CD109: variants seen among roughly 807,000 people sequenced by gnomAD.
The protein encoded by CD109 is CD109 antigen.
CD109 carries 149 observed loss-of-function variants against 165.8 expected under a neutral mutation model. That is an observed-to-expected ratio of 0.90 (90% CI 0.79 to 1.03). The LOEUF is 1.03. CD109 is among the 50% of genes least tolerant of loss of function. CD109 has a pLI of 0.00. For synonymous variants in CD109, 585 were observed against 592.1 expected, an observed-to-expected ratio of 0.99 and a Z score of 0.18; for missense variants, 1,712 against 1,677.8, an observed-to-expected ratio of 1.02 and a Z score of -0.36.
At chr6:73,722,927 C>T (rs186668913) in intron 2 of CD109, among the ~76,000 whole-genome samples, 3 of 152,164 alleles carry the variant, frequency 2.0e-5, no homozygotes, top group East Asian at 3.9e-4. Context: ...TGAAGTGTCC[C>T]GCAAGCACGT....
chr6:73,796,554 T>C (rs10943131), intron 23 of CD109, among the ~76,000 whole-genome samples: 82,254 of 152,048 alleles, frequency 0.54, 22,770 homozygotes, highest in African/African-American at 0.66. Context: ...TCATCTGTCC[T>C]GGCATTTAGA....
At chr6:73,730,683 A>G (rs1772333267) in intron 4 of CD109, 109 bp downstream of exon 4, 1 of 707,940 alleles carries the variant, frequency 1.4e-6, no homozygotes, top group Non-Finnish European at 2.3e-6. Context: ...TTCACCTAAG[A>G]TAAGCTTCCC....
intron 6 of CD109, among the ~76,000 whole-genome samples, chr6:73,758,042 G>A (rs889499225): frequency 3.9e-5 from 6 of 152,060 alleles, no homozygotes; most frequent in African/African-American, 1.4e-4. Flanking sequence ...GATTTTCTTG[G>A]TGGTGGGGGT....
intron 2 of CD109, among the ~76,000 whole-genome samples, chr6:73,710,377 A>G (rs539871198): frequency 6.6e-6 from 1 of 152,150 alleles, no homozygotes. Context: ...TAGGAATCCA[A>G]CTTACAAGGG....
chr6:73,803,218 A>T lies in CD109; in HGVS notation c.2879-2A>T. Reference sequence around the variant, plus strand: ...TGACTATCTGTCTATTTTTGTGTCTAGGTTACCAGAGAGAACTTCTCTATC... The same window carrying T: ...TGACTATCTGTCTATTTTTGTGTCTTGGTTACCAGAGAGAACTTCTCTATC... On this transcript the variant is annotated splice_acceptor_variant, in intron 23 of 32. Transcript: ENST00000287097. LOFTEE classifies it high-confidence loss of function. The T allele has an allele frequency of 6.2e-7, 1 of 1,606,656 alleles. No homozygotes were observed. Among genetic ancestry groups the T allele is most frequent in the Non-Finnish European group, 8.5e-7 (1 of 1,174,346 alleles).
chr6:73,686,162 C>G, the CD109 span, among the ~76,000 whole-genome samples: 2 of 152,134 alleles, frequency 1.3e-5, no homozygotes, highest in Non-Finnish European at 2.9e-5. Flanking sequence ...TTTATTGTTT[C>G]TGTGCTCCAA....
chr6:73,826,296 T>C lies in CD109; in HGVS notation c.*2663T>C, dbSNP rs1428475352. On this transcript the variant is annotated 3_prime_UTR_variant, in exon 33 of 33. Coordinates refer to ENST00000287097, the MANE Select transcript of CD109 (RefSeq NM_133493.5). ...GCTATGAGTAATAATATTAAAAAAC[T>C]CATTTTACCATTAAGATTCCTTATG... is the stretch of plus-strand genomic sequence containing the variant. 3.9e-5 allele frequency: 6 copies of C among 152,218 alleles called. No individual in the cohort carries two copies. The highest frequency in any genetic ancestry group is 7.3e-5 in the Non-Finnish European group (5 of 68,036). The allele number at this position is 152,218 out of a possible 1,614,324, so 9.4% of individuals were successfully genotyped here.
At chr6:73,809,205 G>A (rs1328626312) in intron 26 of CD109, among the ~76,000 whole-genome samples, 1 of 152,066 alleles carries the variant, frequency 6.6e-6, no homozygotes, top group Admixed American at 6.6e-5. Flanking sequence ...TCTCTAGGAA[G>A]GTTGTTGAGT....
At chr6:73,755,402 G>C (rs963968782) in intron 5 of CD109, among the ~76,000 whole-genome samples, 4 of 152,126 alleles carry the variant, frequency 2.6e-5, no homozygotes, top group East Asian at 3.9e-4. Context: ...ATTTGTTAGC[G>C]TGTTAGTGGT....
Position 73,768,168 on chromosome 6 carries a change from A to G in CD109, c.1611A>G (p.Glu537=), listed in dbSNP as rs1383103134. 6.2e-7 allele frequency: 1 copy of G among 1,600,592 alleles called. No homozygotes were observed. The highest frequency in any genetic ancestry group is 8.6e-7 in the Non-Finnish European group (1 of 1,168,092). ...PKACVIVYYI[E]DDGEIISDVL... ...CCTGTGTAATTGTGTATTATATTGA[A>G]GATGATGGGGAAATTATAAGTGATG... The change falls in exon 14 of 33, where the codon GAA becomes GAG. Residue 537 remains glutamate (E), a synonymous_variant. Coordinates refer to ENST00000287097, the MANE Select transcript of CD109 (RefSeq NM_133493.5).
chr6:73,804,828 TTAAC>T (rs2150290997), intron 24 of CD109, among the ~76,000 whole-genome samples: 1 of 152,330 alleles, frequency 6.6e-6, no homozygotes, highest in East Asian at 1.9e-4. Context: ...GACAATTTAT[TTAAC>T]TCTCTTGGAC....
chr6:73,730,416 T>C lies in CD109; in HGVS notation c.349T>C (p.Ser117Pro). 1.9e-6 allele frequency: 3 copies of C among 1,614,042 alleles called. No homozygotes were observed. The South Asian group carries it at 3.3e-5, about 18-fold the overall frequency. ...ACGTACCCAGGATGAGATTTTATTC[T>C]CTAATAGTACCCGCTTATCATTTGA... is the stretch of plus-strand genomic sequence containing the variant. The part of the protein sequence containing the change: ...TGRTQDEILF[S>P]NSTRLSFETK... Residue 117 changes from serine to proline, a missense_variant, in exon 4 of 33, where the codon TCT (serine) becomes CCT (proline). Physicochemically the swap from Ser to Pro is moderately conservative, Grantham distance 74. Transcript: ENST00000287097.
At chr6:73,714,060 A>G (rs575950040) in intron 2 of CD109, among the ~76,000 whole-genome samples, 6 of 152,318 alleles carry the variant, frequency 3.9e-5, no homozygotes, top group African/African-American at 9.6e-5. Flanking sequence ...TCTTAATACA[A>G]TGAAAAATAA....
At position 73,736,626 on chromosome 6, in the gene CD109, A is replaced by G. The variant is rs1582080945; in HGVS notation, c.633+118A>G. 4 of 802,716 alleles carry G rather than the reference A, an allele frequency of 5.0e-6. No homozygotes were observed. The East Asian group carries it at 8.4e-5, about 17-fold the overall frequency. The allele number at this position is 802,716 out of a possible 1,614,324, so 49.7% of individuals were successfully genotyped here. ...GAAAAAAATTAATGTGAACATTTAG[A>G]CAATTTAAACGGTTTATTTTTAATT... is the stretch of plus-strand genomic sequence containing the variant. On this transcript the variant is annotated intron_variant, in intron 5 of 32. Transcript: ENST00000287097.
intron 2 of CD109, among the ~76,000 whole-genome samples, chr6:73,712,157 C>T (rs1224561547): frequency 2.0e-5 from 3 of 151,998 alleles, no homozygotes; most frequent in African/African-American, 4.8e-5. Flanking sequence ...TGTAGTGAGC[C>T]GAGATCATGC....
At chr6:73,806,027 A>C (rs1475138032) in intron 24 of CD109, among the ~76,000 whole-genome samples, 4 of 152,266 alleles carry the variant, frequency 2.6e-5, no homozygotes, top group East Asian at 1.9e-4. Flanking sequence ...TACCCAAAGG[A>C]TTATAAATCA....
At chr6:73,726,150 TTGTAAG>T (rs1348470558) in intron 3 of CD109, among the ~76,000 whole-genome samples, 31 of 152,360 alleles carry the variant, frequency 2.0e-4, no homozygotes, top group Admixed American at 2.0e-3. Flanking sequence ...ATTCTGACAC[TTGTAAG>T]TGTAATATTT....
chr6:73,757,777 A>C (rs1314439068), intron 6 of CD109, among the ~76,000 whole-genome samples: 1 of 152,268 alleles, frequency 6.6e-6, no homozygotes, highest in Non-Finnish European at 1.5e-5. Context: ...GTAAAATATA[A>C]AAATTAATTT....
intron 22 of CD109, 57 bp from the exon 23 acceptor site, chr6:73,792,569 C>G (rs532350531): frequency 2.7e-6 from 4 of 1,484,264 alleles, no homozygotes; most frequent in South Asian, 1.2e-5. Flanking sequence ...TCTTTGCCAC[C>G]AGCAGGTCGT....
Sources: gnomAD v4.1 joint callset for allele counts (sites outside exome capture counted in the v4.1 genomes callset) on GRCh38, gnomAD v4.1.1 for gene constraint, MANE v1.5 for transcripts, NCBI Gene and HGNC (gene_info 2026-07-23, HGNC 2026-07-21) for gene names.